RBM39: variants seen among roughly 807,000 people sequenced by gnomAD.
RBM39 encodes RNA binding motif protein 39, also known as RNA-binding protein 39.
In RBM39, 12 loss-of-function variants were observed where a neutral mutation model predicts 79.6. The ratio of observed to expected loss-of-function variants is 0.15; its 90% CI spans 0.10 to 0.24. The LOEUF (loss-of-function observed/expected upper bound fraction) is 0.24, where lower values mean the gene tolerates loss of function less well. RBM39 is among the 10% of genes least tolerant of loss of function. The pLI is 1.00. For missense variants in RBM39, 243 were observed against 653.4 expected, an observed-to-expected ratio of 0.37 and a Z score of 6.85; for synonymous variants, 185 against 208.4, an observed-to-expected ratio of 0.89 and a Z score of 0.97.
chr20:35,730,091 G>C (rs1353901566), intron 4 of RBM39, among the ~76,000 whole-genome samples: 1 of 152,082 alleles, frequency 6.6e-6, no homozygotes, highest in Non-Finnish European at 1.5e-5. Context: ...TAACTCTTAA[G>C]ACAGCATGAC....
chr20:35,735,023 C>T, intron 3 of RBM39: 5 of 1,606,646 alleles, frequency 3.1e-6, no homozygotes, highest in Admixed American at 1.7e-5. Flanking sequence ...AGGTGTTTTG[C>T]TATAACTGGA....
intron 3 of RBM39, among the ~76,000 whole-genome samples, chr20:35,737,946 G>A (rs1295778995): frequency 2.6e-5 from 4 of 151,236 alleles, no homozygotes; most frequent in African/African-American, 9.7e-5. Context: ...GAGAGGTCAG[G>A]AGATGGAGAC....
chr20:35,717,242 T>C (rs1208541191), intron 9 of RBM39, among the ~76,000 whole-genome samples: 1 of 150,998 alleles, frequency 6.6e-6, no homozygotes, highest in Non-Finnish European at 1.5e-5. Flanking sequence ...AGCACGCCAC[T>C]GTACTCCAGC....
rs1430806305 is a variant in RBM39, at chr20:35,714,349, A to T, written c.932T>A (p.Leu311His). 1 of 1,614,178 alleles carries T rather than the reference A, an allele frequency of 6.2e-7. No homozygotes were observed. Among genetic ancestry groups the T allele is most frequent in the Non-Finnish European group, 8.5e-7 (1 of 1,180,016 alleles). Residue 311 changes from leucine (L) to histidine (H), a missense_variant, in exon 11 of 17, where the codon CTT (leucine) becomes CAT (histidine). Transcript: ENST00000253363. ...SECAKKALEQ[L>H]NGFELAGRPM... ...TCTTCCTGCTAGTTCAAATCCATTA[A>T]GTTGTTCCAAAGCCTTTTTGGCACA...
intron 11 of RBM39, 129 bp downstream of exon 11, chr20:35,714,056 G>C: frequency 1.2e-6 from 1 of 832,992 alleles, no homozygotes; most frequent in Non-Finnish European, 1.9e-6. Context: ...ATAATATGCA[G>C]TGTGACCAAG....
intron 3 of RBM39, among the ~76,000 whole-genome samples, chr20:35,736,798 G>A (rs1429029735): frequency 2.6e-5 from 4 of 151,858 alleles, no homozygotes; most frequent in Admixed American, 1.3e-4. Context: ...GACTACAGGC[G>A]TGCACCACCA....
chr20:35,716,595 G>A, intron 10 of RBM39, 145 bp downstream of exon 10: 1 of 642,498 alleles, frequency 1.6e-6, no homozygotes, highest in South Asian at 1.9e-5. Context: ...CGGACACAGA[G>A]GCTCAGTCCT....
chr20:35,708,161 T>C (rs2035975335), intron 13 of RBM39, among the ~76,000 whole-genome samples: 1 of 152,036 alleles, frequency 6.6e-6, no homozygotes, highest in Non-Finnish European at 1.5e-5. Context: ...TATAAGTTTT[T>C]TCTTTCATAA....
In RBM39 at chr20:35,713,312, ACT is replaced by A. The variant is rs201977347; in HGVS notation, c.1097-218_1097-217del. 6.8e-3 allele frequency: 2,847 copies of A among 418,068 alleles called. 90 individuals carry two copies. Among genetic ancestry groups the A allele is most frequent in the Admixed American group, 0.066 (1,611 of 24,512 alleles). The allele number at this position is 418,068 out of a possible 1,614,324, so 25.9% of individuals were successfully genotyped here. On this transcript the variant is annotated intron_variant, in intron 11 of 16. Transcript: ENST00000253363. ...GACCAACCTGGGCAACAATTGTGAA[ACT>A]CTCTTTTTTTTTTGAGATGGAGTAT...
intron 3 of RBM39, among the ~76,000 whole-genome samples, chr20:35,733,191 T>G (rs1979186056): frequency 6.6e-6 from 1 of 151,284 alleles, no homozygotes. Flanking sequence ...TAATCACAGC[T>G]ACTTGGGAGG....
chr20:35,714,463 T>C, intron 10 of RBM39, 74 bp from the exon 11 acceptor site: 2 of 1,431,230 alleles, frequency 1.4e-6, no homozygotes, highest in East Asian at 2.6e-5. Flanking sequence ...TAAAAATATA[T>C]TTATATTTTT....
rs530959621 is a variant in RBM39, at chr20:35,719,283, C to T, written c.825+2457G>A. Among the ~76,000 whole-genome samples the T allele has an allele frequency of 3.3e-5, 5 of 152,228 alleles. No homozygotes were observed. The South Asian group carries it at 6.2e-4, about 19-fold the overall frequency. On this transcript the variant is annotated intron_variant, in intron 9 of 16. Transcript: ENST00000253363. The stretch of plus-strand genomic sequence containing the variant: ...CTCACCTCAAGTGATCCACCCGACT[C>T]GGCCCCCAAAAGTGCAGGGATCACA...
chr20:35,712,754 A>G (rs2036599440), intron 12 of RBM39, among the ~76,000 whole-genome samples: 1 of 152,114 alleles, frequency 6.6e-6, no homozygotes, highest in South Asian at 2.1e-4. Context: ...ATTCAATAAA[A>G]CTGATATATT....
chr20:35,720,134 C>T (rs1247678087), intron 9 of RBM39: 1 of 155,354 alleles, frequency 6.4e-6, no homozygotes, highest in South Asian at 1.7e-4. Context: ...TATCTAGCTC[C>T]TTTTAAATTT....
At chr20:35,709,752 G>T (rs1190990601) in intron 12 of RBM39, among the ~76,000 whole-genome samples, 1 of 152,080 alleles carries the variant, frequency 6.6e-6, no homozygotes, top group East Asian at 1.9e-4. Flanking sequence ...CCCAATTTAG[G>T]AAGAACATCA....
At chr20:35,730,984 G>A (rs2039306356) in intron 4 of RBM39, among the ~76,000 whole-genome samples, 1 of 152,080 alleles carries the variant, frequency 6.6e-6, no homozygotes, top group African/African-American at 2.4e-5. Flanking sequence ...TAAGTCCTCT[G>A]AGCACTTTAC....
chr20:35,734,345 T>C (rs544592581), intron 3 of RBM39: 7 of 716,396 alleles, frequency 9.8e-6, no homozygotes, highest in African/African-American at 3.7e-5. Context: ...TCATTATTTA[T>C]ATAGAACTCA....
chr20:35,724,342 A>C (rs897020555), intron 8 of RBM39, among the ~76,000 whole-genome samples: 3 of 152,048 alleles, frequency 2.0e-5, no homozygotes, highest in African/African-American at 7.2e-5. Context: ...CAAAACAAAA[A>C]AAAGGCAAAA....
intron 3 of RBM39, among the ~76,000 whole-genome samples, chr20:35,737,930 G>C (rs2040134367): frequency 6.6e-6 from 1 of 151,046 alleles, no homozygotes; most frequent in African/African-American, 2.4e-5. Context: ...ACAGCAGGAG[G>C]ATCATGAGAG....
Sources: allele counts gnomAD v4.1 joint callset (sites outside exome capture counted in the v4.1 genomes callset), GRCh38; gene constraint gnomAD v4.1.1; transcripts MANE v1.5; gene names NCBI Gene and HGNC (gene_info 2026-07-23, HGNC 2026-07-21).